Variants in RXRA observed in about 807,000 individuals in gnomAD.
RXRA encodes retinoic acid receptor RXR-alpha.
A neutral mutation model predicts 44.5 loss-of-function variants in RXRA; 5 were observed. That is an observed-to-expected ratio of 0.11 (90% CI 0.06 to 0.24). The LOEUF is 0.24. Ranked by LOEUF, RXRA falls within the 10% of genes least tolerant of loss-of-function variation. RXRA has a pLI of 1.00. For synonymous variants in RXRA, 291 were observed against 271.4 expected (o/e 1.07, Z -0.71); for missense variants, 412 against 646.5 (o/e 0.64, Z 3.93).
chr9:134,360,923 C>T (rs1403223281), intron 1 of RXRA, among the ~76,000 whole-genome samples: 9 of 152,212 alleles, frequency 5.9e-5, no homozygotes, highest in Admixed American at 1.3e-4. Context: ...GCGAGGGTTC[C>T]GTTGGCCCTC....
At chr9:134,423,823 G>T in intron 6 of RXRA, 1 of 985,470 alleles carries the variant, frequency 1.0e-6, no homozygotes, top group South Asian at 4.7e-5. Context: ...CCTGACCCCA[G>T]TGGTCCTTGG....
At chr9:134,347,569 G>T (rs769549174) in intron 1 of RXRA, among the ~76,000 whole-genome samples, 2 of 152,212 alleles carry the variant, frequency 1.3e-5, no homozygotes, top group Non-Finnish European at 2.9e-5. Flanking sequence ...GGGGGAGGAC[G>T]GCCAGGGGCC....
chr9:134,339,086 G>A (rs2119022911), intron 1 of RXRA, among the ~76,000 whole-genome samples: 1 of 150,584 alleles, frequency 6.6e-6, no homozygotes. Context: ...GCCTGGTGTC[G>A]GGGCAGGGCT....
rs553545226 is a variant in RXRA, at chr9:134,335,769, C to T, written c.28+9110C>T. On this transcript the variant is annotated intron_variant, in intron 1 of 9. Coordinates refer to ENST00000481739, the MANE Select transcript of RXRA (RefSeq NM_002957.6). ...GGCGCCCATGTGCGGTACCCCACCTCGGGGCCCTGGCTCCCAGGGTGTGTC... is the reference window on the plus strand; with the variant it reads ...GGCGCCCATGTGCGGTACCCCACCTTGGGGCCCTGGCTCCCAGGGTGTGTC... 1.3e-4 allele frequency among the ~76,000 whole-genome samples: 20 copies of T among 152,266 alleles called. No individual in the cohort carries two copies. The East Asian group carries it at 3.1e-3, about 24-fold the overall frequency.
chr9:134,396,580 C>G (rs866276434), intron 1 of RXRA, among the ~76,000 whole-genome samples: 1 of 152,100 alleles, frequency 6.6e-6, no homozygotes, highest in Admixed American at 6.6e-5. Context: ...CAGGCAGGCT[C>G]AGGACCAGCT....
At chr9:134,339,612 TGTGA>T (rs1364339182) in intron 1 of RXRA, among the ~76,000 whole-genome samples, 1 of 150,018 alleles carries the variant, frequency 6.7e-6, no homozygotes, top group Admixed American at 6.6e-5. Context: ...TGTGTTTCTG[TGTGA>T]GTCTCTGTGT....
chr9:134,436,324 T>A, intron 9 of RXRA, 143 bp from the exon 10 acceptor site: 3 of 782,850 alleles, frequency 3.8e-6, no homozygotes, highest in Non-Finnish European at 6.2e-6. Flanking sequence ...TCTGGAGGCT[T>A]GGCATAGGCA....
At chr9:134,344,144 C>T (rs1830120499) in intron 1 of RXRA, among the ~76,000 whole-genome samples, 1 of 152,204 alleles carries the variant, frequency 6.6e-6, no homozygotes, top group Non-Finnish European at 1.5e-5. Context: ...TTGAAGCTGG[C>T]CCCAGGAACC....
chr9:134,407,697 C>G lies in RXRA; in HGVS notation c.280-452C>G, dbSNP rs555865325. 1.2e-3 allele frequency among the ~76,000 whole-genome samples: 188 copies of G among 152,224 alleles called. No homozygotes were observed. The highest frequency in any genetic ancestry group is 4.3e-3 in the African/African-American group (177 of 41,542). ...GGGGGGTCCCCAGCCCTCCTCCGTC[C>G]TGGGAACTGGGCTTCGGCGTCCTCA... On this transcript the variant is annotated intron_variant, in intron 2 of 9. Coordinates refer to ENST00000481739, the MANE Select transcript of RXRA (RefSeq NM_002957.6). The surrounding 1 kb of genome is among the most constrained non-coding windows in gnomAD (Gnocchi z 4.8).
chr9:134,434,561 C>T (rs1040908850), intron 9 of RXRA, among the ~76,000 whole-genome samples: 28 of 152,210 alleles, frequency 1.8e-4, no homozygotes, highest in Non-Finnish European at 3.7e-4. Flanking sequence ...GTAGGTACTT[C>T]ACAAGCATGT....
At chr9:134,369,785 G>T (rs889447707) in intron 1 of RXRA, among the ~76,000 whole-genome samples, 4 of 152,112 alleles carry the variant, frequency 2.6e-5, no homozygotes, top group African/African-American at 9.7e-5. Flanking sequence ...ACATTTGGAG[G>T]CAGAGGTGTG....
intron 4 of RXRA, among the ~76,000 whole-genome samples, chr9:134,412,400 G>A (rs1278731759): frequency 6.6e-6 from 1 of 152,230 alleles, no homozygotes; most frequent in African/African-American, 2.4e-5. Flanking sequence ...CGAGGGAGTC[G>A]CCTGGGGTTG....
In RXRA at chr9:134,430,069, G is replaced by A. The variant is rs34712690; in HGVS notation, c.1043+829G>A. 9.4e-3 allele frequency among the ~76,000 whole-genome samples: 1,424 copies of A among 152,236 alleles called. 24 individuals are homozygous for A. The highest frequency in any genetic ancestry group is 0.033 in the African/African-American group (1,355 of 41,538). On this transcript the variant is annotated intron_variant, in intron 7 of 9. Coordinates refer to ENST00000481739, the MANE Select transcript of RXRA (RefSeq NM_002957.6). Reference sequence around the variant, plus strand: ...CCCGGCTATTTTTTTTGTATTTTTAGTAGAGACGGGGTTTCACCGTGTTAG... The same window carrying A: ...CCCGGCTATTTTTTTTGTATTTTTAATAGAGACGGGGTTTCACCGTGTTAG...
chr9:134,368,970 TG>T (rs1830452422), intron 1 of RXRA, among the ~76,000 whole-genome samples: 2 of 113,712 alleles, frequency 1.8e-5, no homozygotes, highest in Admixed American at 1.0e-4. Flanking sequence ...GTTGTGTGTG[TG>T]GGGTTATGTG....
chr9:134,416,418 C>A (rs779761804), intron 4 of RXRA, among the ~76,000 whole-genome samples: 1 of 152,132 alleles, frequency 6.6e-6, no homozygotes, highest in South Asian at 2.1e-4. Flanking sequence ...TCATAATGCT[C>A]GGCTTCTGGT....
At chr9:134,345,228 C>G (rs1830135900) in intron 1 of RXRA, among the ~76,000 whole-genome samples, 1 of 152,180 alleles carries the variant, frequency 6.6e-6, no homozygotes, top group African/African-American at 2.4e-5. Flanking sequence ...ATAACGTATC[C>G]CCCTCTAGCT....
At position 134,417,213 on chromosome 9, in the gene RXRA, G is replaced by A. The variant is rs1805336; in HGVS notation, c.666G>A (p.Ser222=). The change falls in exon 5 of 10, where the codon TCG becomes TCA. Residue 222 remains serine (S), a synonymous_variant. Coordinates refer to ENST00000481739, the MANE Select transcript of RXRA (RefSeq NM_002957.6). This position sits in a 1 kb window ranked among gnomAD's most constrained non-coding sequence, Gnocchi z 6.1. ...GKDRNENEVE[S]TSSANEDMPV... ...ACCGGAACGAGAATGAGGTGGAGTC[G>A]ACCAGCAGCGCCAACGAGGACATGC... 909 of 1,613,614 alleles carry A rather than the reference G, an allele frequency of 5.6e-4. 12 individuals are homozygous for A. The Admixed American group carries it at 0.014, about 25-fold the overall frequency.
At chr9:134,416,355 C>G (rs374431872) in intron 4 of RXRA, among the ~76,000 whole-genome samples, 1 of 152,192 alleles carries the variant, frequency 6.6e-6, no homozygotes, top group Admixed American at 6.5e-5. Flanking sequence ...GTCAGCTGAC[C>G]GGAGCCCATG....
intron 7 of RXRA, 122 bp downstream of exon 7, chr9:134,429,362 G>A (rs1057500138): frequency 7.7e-6 from 8 of 1,036,058 alleles, no homozygotes; most frequent in South Asian, 1.6e-5. Context: ...CATGAAGGGT[G>A]CACACATGGA....
Sources: allele counts gnomAD v4.1 joint callset (sites outside exome capture counted in the v4.1 genomes callset), GRCh38; gene constraint gnomAD v4.1.1; non-coding constraint Gnocchi (gnomAD v3.1); transcripts MANE v1.5; gene names NCBI Gene and HGNC (gene_info 2026-07-23, HGNC 2026-07-21).